Variants in CIT observed in about 807,000 individuals in gnomAD.
CIT encodes the protein citron rho-interacting serine/threonine kinase, also known as citron Rho-interacting kinase.
Under a neutral mutation model 272.7 loss-of-function variants are expected in CIT, and 79 were observed. The ratio of observed to expected loss-of-function variants is 0.29; its 90% confidence interval spans 0.24 to 0.35. The LOEUF (loss-of-function observed/expected upper bound fraction) is 0.35. Ranked by LOEUF, CIT falls within the 10% of genes least tolerant of loss-of-function variation. CIT has a pLI of 1.00. For synonymous variants in CIT, 948 were observed against 995.6 expected (o/e 0.95, Z 0.90); for missense variants, 1,909 against 2,618.3 (o/e 0.73, Z 5.91).
Position 119,784,834 on chromosome 12 carries a change from C to T in CIT, c.1401+126G>A. On this transcript the variant is annotated intron_variant, in intron 11 of 47. Transcript: ENST00000392521. This position sits in a 1 kb window ranked among gnomAD's most constrained non-coding sequence, Gnocchi z 4.7. ...GCTGGAGGCGCGACTTCAGCGAAGG[C>T]AGGAGCGCCTCACTCTCTACGGATC... 2.1e-6 allele frequency: 3 copies of T among 1,457,224 alleles called. No individual in the cohort carries two copies. The highest frequency in any genetic ancestry group is 2.7e-6 in the Non-Finnish European group (3 of 1,104,864). The allele number at this position is 1,457,224 out of a possible 1,614,324, so 90.3% of individuals were successfully genotyped here.
At chr12:119,806,210 T>G (rs1454992333) in intron 9 of CIT, among the ~76,000 whole-genome samples, 1 of 149,710 alleles carries the variant, frequency 6.7e-6, no homozygotes, top group Non-Finnish European at 1.5e-5. Flanking sequence ...AGGTAAGATA[T>G]TCACAGCAAA....
In CIT at chr12:119,718,692, C is replaced by T. The variant is rs759398274; in HGVS notation, c.4003+7G>A. The stretch of plus-strand genomic sequence containing the variant: ...CCTTGAGCATTTTGGAGAGAGTGAG[C>T]CCCTACCTTCCTCCCGGGCGGACCG... On this transcript the variant is annotated splice_region_variant and intron_variant, in intron 31 of 47. Coordinates refer to ENST00000392521, the MANE Select transcript of CIT (RefSeq NM_001206999.2). The surrounding 1 kb of genome is among the most constrained non-coding windows in gnomAD (Gnocchi z 4.8). 2.5e-6 allele frequency: 4 copies of T among 1,612,664 alleles called. No homozygotes were observed. The highest frequency in any genetic ancestry group is 3.4e-6 in the Non-Finnish European group (4 of 1,179,990).
chr12:119,876,913 G>T (rs940282936), intron 1 of CIT, among the ~76,000 whole-genome samples: 2 of 152,152 alleles, frequency 1.3e-5, no homozygotes, highest in African/African-American at 4.8e-5. Context: ...CTAAGTTCAC[G>T]CAGATAATAA....
At position 119,804,870 on chromosome 12, in the gene CIT, A is replaced by T. The variant is rs1966502014; in HGVS notation, c.1112-1481T>A. Among the ~76,000 whole-genome samples, 1 of 152,196 alleles carries T rather than the reference A, an allele frequency of 6.6e-6. No individual in the cohort carries two copies. The highest frequency in any genetic ancestry group is 2.1e-4 in the South Asian group (1 of 4,830). Reference sequence around the variant, plus strand: ...AGATTTAAGATGTAAAATGTGCACTACCAGAAAATTATTTAACACCTCCAG... The same window carrying T: ...AGATTTAAGATGTAAAATGTGCACTTCCAGAAAATTATTTAACACCTCCAG... On this transcript the variant is annotated intron_variant, in intron 9 of 47. Coordinates refer to ENST00000392521, the MANE Select transcript of CIT (RefSeq NM_001206999.2). This position sits in a 1 kb window ranked among gnomAD's most constrained non-coding sequence, Gnocchi z 5.3.
intron 4 of CIT, among the ~76,000 whole-genome samples, chr12:119,854,362 C>G (rs11064928): frequency 0.14 from 21,438 of 151,068 alleles, 3,216 homozygotes; most frequent in African/African-American, 0.38. Flanking sequence ...TGGGGGCTAG[C>G]CACAGTGGCT....
chr12:119,870,611 C>T (rs1042430672), intron 2 of CIT, among the ~76,000 whole-genome samples: 2 of 150,888 alleles, frequency 1.3e-5, no homozygotes, highest in African/African-American at 4.9e-5. Context: ...AAGCCAGCCA[C>T]CATGCACAGA....
chr12:119,778,770 G>A (rs190039187), intron 13 of CIT, among the ~76,000 whole-genome samples: 136 of 152,126 alleles, frequency 8.9e-4, no homozygotes, highest in African/African-American at 2.7e-3. Flanking sequence ...AATGGAACAC[G>A]GGTCTCATTT....
rs767222425 is a variant in CIT, at chr12:119,859,511, G to GT, written c.239-1814dup. The stretch of plus-strand genomic sequence containing the variant: ...CAATGTCATTTTTTTCATTTTCTTA[G>GT]TTTTTTTTTTAAGAGACACAAATGG... On this transcript the variant is annotated intron_variant, in intron 3 of 47. Coordinates refer to ENST00000392521, the MANE Select transcript of CIT (RefSeq NM_001206999.2). 1.9e-4 allele frequency among the ~76,000 whole-genome samples: 29 copies of GT among 149,332 alleles called. No homozygotes were observed. The East Asian group carries it at 2.6e-3, about 13-fold the overall frequency.
intron 28 of CIT, among the ~76,000 whole-genome samples, chr12:119,724,795 C>T (rs1290522400): frequency 2.6e-5 from 4 of 151,756 alleles, no homozygotes; most frequent in South Asian, 2.1e-4. Flanking sequence ...AAAAATTAGC[C>T]GGGCGTGATA....
At chr12:119,734,081 T>A in intron 26 of CIT, 83 bp downstream of exon 26, 1 of 1,416,038 alleles carries the variant, frequency 7.1e-7, no homozygotes, top group South Asian at 1.3e-5. Flanking sequence ...TCGGCGGGAA[T>A]AGCTGATCAC....
chr12:119,818,009 A>G lies in CIT; in HGVS notation c.1111+4811T>C, dbSNP rs368282651. 1.1e-4 allele frequency among the ~76,000 whole-genome samples: 16 copies of G among 152,340 alleles called. No homozygotes were observed. The East Asian group carries it at 2.7e-3, about 26-fold the overall frequency. The stretch of plus-strand genomic sequence containing the variant: ...AGTGTGACATGGTTTATTATTTGCC[A>G]TCATCACAAATATTATTACTAATAA... On this transcript the variant is annotated intron_variant, in intron 9 of 47. Transcript: ENST00000392521.
chr12:119,783,292 A>G (rs1718336671), intron 12 of CIT: 4 of 152,260 alleles, frequency 2.6e-5, no homozygotes, highest in Admixed American at 1.3e-4. Flanking sequence ...TTGTGAAAAA[A>G]ACTTTAGAAA....
chr12:119,759,104 C>T (rs1039066677), intron 20 of CIT, among the ~76,000 whole-genome samples: 1 of 152,204 alleles, frequency 6.6e-6, no homozygotes, highest in African/African-American at 2.4e-5. Flanking sequence ...TTCCTTCTCA[C>T]CCAGCCACCA....
chr12:119,813,592 A>G (rs1014935515), intron 9 of CIT, among the ~76,000 whole-genome samples: 1 of 152,208 alleles, frequency 6.6e-6, no homozygotes, highest in Non-Finnish European at 1.5e-5. Flanking sequence ...TTGGTTGTGA[A>G]AGGTTTTCCC....
intron 9 of CIT, among the ~76,000 whole-genome samples, chr12:119,809,233 G>A (rs1966764605): frequency 6.6e-6 from 1 of 152,092 alleles, no homozygotes; most frequent in Admixed American, 6.5e-5. Context: ...CAGAGTGCTG[G>A]GTTAGTGTCA....
At chr12:119,785,091 G>A in intron 10 of CIT, 26 bp from the exon 11 acceptor site, 1 of 1,611,596 alleles carries the variant, frequency 6.2e-7, no homozygotes, top group Non-Finnish European at 8.5e-7. Context: ...CCAACGTCAA[G>A]GGGGCCTGCA....
At position 119,857,540 on chromosome 12, in the gene CIT, A is replaced by G. The variant is rs768848984; in HGVS notation, c.397T>C (p.Leu133=). The change falls in exon 4 of 48, where the codon TTA becomes CTA. Residue 133 remains leucine, a synonymous_variant. Transcript: ENST00000392521. The part of the protein sequence containing the change: ...YAMKVMKKKA[L]LAQEQVSFFE... ...CCTCCTACCTGCTCCTGGGCCAATA[A>G]AGCCTTCTTCTTCATCACTTTCATA... The G allele has an allele frequency of 1.2e-6, 2 of 1,614,070 alleles. No individual in the cohort carries two copies. Among genetic ancestry groups the G allele is most frequent in the Non-Finnish European group, 1.7e-6 (2 of 1,180,000 alleles).
chr12:119,835,008 A>G (rs1968897020), intron 5 of CIT, among the ~76,000 whole-genome samples: 1 of 152,152 alleles, frequency 6.6e-6, no homozygotes, highest in African/African-American at 2.4e-5. Flanking sequence ...ATAAAGTACA[A>G]CCCCTTTTTT....
intron 9 of CIT, among the ~76,000 whole-genome samples, chr12:119,809,431 T>C (rs1197641538): frequency 6.6e-6 from 1 of 152,098 alleles, no homozygotes; most frequent in Non-Finnish European, 1.5e-5. Flanking sequence ...GTTTGAATTA[T>C]TATGAGATAT....
Sources: gnomAD v4.1 joint callset for allele counts (sites outside exome capture counted in the v4.1 genomes callset) on GRCh38, gnomAD v4.1.1 for gene constraint, Gnocchi (gnomAD v3.1) non-coding constraint, MANE v1.5 for transcripts, NCBI Gene and HGNC (gene_info 2026-07-23, HGNC 2026-07-21) for gene names.